Variants in CEP128 observed in about 807,000 individuals in gnomAD.
CEP128 encodes centrosomal protein 128.
Under a neutral mutation model 156.7 loss-of-function variants are expected in CEP128, and 132 were observed. The ratio of observed to expected loss-of-function variants is 0.84; its 90% CI spans 0.73 to 0.97. The LOEUF (loss-of-function observed/expected upper bound fraction) is 0.97. Ranked by LOEUF, CEP128 falls within the 50% of genes least tolerant of loss-of-function variation. The probability of loss-of-function intolerance (pLI) is 0.00; values close to 1 mark genes in which losing one functional copy is unlikely to be tolerated. For synonymous variants in CEP128, 469 were observed against 448.9 expected, an observed-to-expected ratio of 1.04 and a Z score of -0.57; for missense variants, 1,252 against 1,281.9, an observed-to-expected ratio of 0.98 and a Z score of 0.36.
chr14:80,902,507 T>C (rs914836036), intron 6 of CEP128, among the ~76,000 whole-genome samples: 5 of 152,186 alleles, frequency 3.3e-5, no homozygotes, highest in Admixed American at 1.3e-4. Flanking sequence ...AGATACACTT[T>C]GAGTACCTAA....
chr14:80,494,745 A>G (rs766933279), downstream of CEP128, among the ~76,000 whole-genome samples: 4 of 152,188 alleles, frequency 2.6e-5, no homozygotes, highest in Non-Finnish European at 5.9e-5. Flanking sequence ...CATTTTTTAT[A>G]CATGTAAACT....
intron 9 of CEP128, among the ~76,000 whole-genome samples, chr14:80,855,510 ATAAC>A (rs1339207699): frequency 2.6e-5 from 4 of 152,186 alleles, no homozygotes; most frequent in African/African-American, 9.7e-5. Context: ...AAACTTATGA[ATAAC>A]TATGCAAAAT....
chr14:80,557,670 A>G (rs954683990), intron 21 of CEP128, among the ~76,000 whole-genome samples: 1 of 152,202 alleles, frequency 6.6e-6, no homozygotes, highest in African/African-American at 2.4e-5. Context: ...GTGAAATCTC[A>G]GGAAGAAGTT....
chr14:80,574,623 G>A (rs948413909), intron 20 of CEP128, among the ~76,000 whole-genome samples: 1 of 151,960 alleles, frequency 6.6e-6, no homozygotes, highest in Non-Finnish European at 1.5e-5. Flanking sequence ...CTCTACACTG[G>A]CATTCTTTAT....
At chr14:80,762,195 TAAAGA>T (rs1900004439) in intron 16 of CEP128, among the ~76,000 whole-genome samples, 1 of 152,228 alleles carries the variant, frequency 6.6e-6, no homozygotes, top group South Asian at 2.1e-4. Context: ...ATTATATACT[TAAAGA>T]AAAGGGAGCC....
chr14:80,829,651 G>A (rs1293594188), intron 13 of CEP128, among the ~76,000 whole-genome samples: 1 of 152,200 alleles, frequency 6.6e-6, no homozygotes, highest in African/African-American at 2.4e-5. Flanking sequence ...CCAGCACTTA[G>A]AACAGTGTCT....
intron 13 of CEP128, among the ~76,000 whole-genome samples, chr14:80,810,586 G>C (rs1884474564): frequency 6.6e-6 from 1 of 151,894 alleles, no homozygotes; most frequent in South Asian, 2.1e-4. Flanking sequence ...AGGAATGTTG[G>C]CCTGTAGTTT....
chr14:80,565,287 G>T (rs542443460), intron 20 of CEP128, among the ~76,000 whole-genome samples: 1 of 152,026 alleles, frequency 6.6e-6, no homozygotes, highest in Non-Finnish European at 1.5e-5. Context: ...AACAGAAGAC[G>T]TTAAGATAAC....
At chr14:80,745,086 G>A (rs1246575634) in intron 18 of CEP128, among the ~76,000 whole-genome samples, 1 of 152,114 alleles carries the variant, frequency 6.6e-6, no homozygotes, top group African/African-American at 2.4e-5. Flanking sequence ...CCAACGTTGT[G>A]GGAGGGACCC....
At chr14:80,592,382 C>T (rs897561802) in intron 19 of CEP128, among the ~76,000 whole-genome samples, 3 of 152,194 alleles carry the variant, frequency 2.0e-5, no homozygotes, top group Non-Finnish European at 4.4e-5. Context: ...CACCTCTACA[C>T]AAATAAACTA....
At chr14:80,686,858 T>C (rs1896542800) in intron 19 of CEP128, among the ~76,000 whole-genome samples, 1 of 152,134 alleles carries the variant, frequency 6.6e-6, no homozygotes, top group African/African-American at 2.4e-5. Context: ...TATTATATAA[T>C]GGTAAAGGGT....
intron 19 of CEP128, among the ~76,000 whole-genome samples, chr14:80,629,905 A>G (rs1893893953): frequency 6.6e-6 from 1 of 152,016 alleles, no homozygotes; most frequent in African/African-American, 2.4e-5. Context: ...TCTATTTAAG[A>G]GAGAATTGAA....
intron 21 of CEP128, among the ~76,000 whole-genome samples, chr14:80,536,860 G>T (rs571627088): frequency 6.6e-6 from 1 of 152,084 alleles, no homozygotes; most frequent in East Asian, 1.9e-4. Context: ...TTTTATGAGC[G>T]GTCTAAAAAA....
chr14:80,566,884 T>G (rs1890935059), intron 20 of CEP128, among the ~76,000 whole-genome samples: 1 of 146,866 alleles, frequency 6.8e-6, no homozygotes, highest in African/African-American at 2.6e-5. Context: ...TTAAAGATTT[T>G]GTCTGAAAAG....
chr14:80,610,405 T>C (rs1019110810), intron 19 of CEP128, among the ~76,000 whole-genome samples: 7 of 152,170 alleles, frequency 4.6e-5, no homozygotes, highest in East Asian at 1.9e-4. Context: ...GTAAGAGACA[T>C]AGATTGCTAA....
chr14:80,861,841 T>A (rs918694687), intron 9 of CEP128, among the ~76,000 whole-genome samples: 5 of 152,202 alleles, frequency 3.3e-5, no homozygotes, highest in African/African-American at 1.2e-4. Context: ...TATCAAATTA[T>A]ATAGATGAAA....
At chr14:80,501,590 C>T (rs763209698) in intron 24 of CEP128, among the ~76,000 whole-genome samples, 8 of 151,744 alleles carry the variant, frequency 5.3e-5, no homozygotes, top group African/African-American at 1.2e-4. Flanking sequence ...CTGCAACCTC[C>T]GCCTCCCGGG....
intron 9 of CEP128, among the ~76,000 whole-genome samples, chr14:80,841,060 T>C (rs1330504138): frequency 6.6e-6 from 1 of 152,126 alleles, no homozygotes; most frequent in Non-Finnish European, 1.5e-5. Context: ...AATATTCTTT[T>C]CTACAGATTC....
At chr14:80,484,876 T>C (rs1013010) in intron 14 of CEP128, among the ~76,000 whole-genome samples, 119,498 of 152,106 alleles carry the variant, frequency 0.79, 49,350 homozygotes, top group Non-Finnish European at 0.9. Context: ...TCTATATCTG[T>C]TCTGTGGTAC....
Sources: allele counts gnomAD v4.1 joint callset (sites outside exome capture counted in the v4.1 genomes callset), GRCh38; gene constraint gnomAD v4.1.1; transcripts MANE v1.5; gene names NCBI Gene and HGNC (gene_info 2026-07-23, HGNC 2026-07-21).